Variants in TBCD observed in about 807,000 individuals in gnomAD.
TBCD encodes tubulin folding cofactor D, also known as tubulin-specific chaperone D.
A neutral mutation model predicts 169.3 loss-of-function variants in TBCD; 105 were observed. That is an observed-to-expected ratio of 0.62 (90% CI 0.53 to 0.73). TBCD has a LOEUF of 0.73. Among genes scored for constraint, TBCD ranks in the 30% least tolerant of loss-of-function variants. The probability of loss-of-function intolerance (pLI) is 0.00; values close to 1 mark genes in which losing one functional copy is unlikely to be tolerated. For missense variants in TBCD, 1,444 were observed against 1,600.1 expected (o/e 0.90, Z 1.66); for synonymous variants, 700 against 643.9 (o/e 1.09, Z -1.32).
Position 82,923,753 on chromosome 17 carries a change from C to T in TBCD, c.2260+20C>T. 6.3e-7 allele frequency: 1 copy of T among 1,579,174 alleles called. No homozygotes were observed. Among genetic ancestry groups the T allele is most frequent in the Non-Finnish European group, 8.6e-7 (1 of 1,161,832 alleles). On this transcript the variant is annotated intron_variant, in intron 26 of 38. Transcript: ENST00000355528. The surrounding 1 kb of genome is among the most constrained non-coding windows in gnomAD (Gnocchi z 4.6). ...TTCAGGGTGAGTGGGGAGCCCTTTT[C>T]TTGAAGACTCCAGGGGCTTCCAGCA...
intron 28 of TBCD, 148 bp downstream of exon 28, chr17:82,926,639 G>T: frequency 1.5e-6 from 1 of 672,216 alleles, no homozygotes. Flanking sequence ...AGTCCCAGCT[G>T]CTGGAGGCTC....
intron 20 of TBCD, 46 bp downstream of exon 20, chr17:82,906,099 C>A: frequency 1.4e-6 from 2 of 1,421,310 alleles, no homozygotes; most frequent in Non-Finnish European, 1.9e-6. Context: ...TGTCCCTGAT[C>A]CCCTCACCAT....
intron 7 of TBCD, among the ~76,000 whole-genome samples, chr17:82,787,762 C>G (rs771355740): frequency 1.3e-5 from 2 of 152,182 alleles, no homozygotes; most frequent in Admixed American, 6.5e-5. Context: ...TCCCTCGAAG[C>G]GTAGTTCCCT....
chr17:82,767,461 G>C (rs1481872685), intron 4 of TBCD, among the ~76,000 whole-genome samples: 1 of 151,422 alleles, frequency 6.6e-6, no homozygotes, highest in East Asian at 1.9e-4. Context: ...TTTTTAAAAA[G>C]ACAGAGTTTC....
At chr17:82,803,865 G>A (rs1008391442) in intron 9 of TBCD, among the ~76,000 whole-genome samples, 17 of 148,238 alleles carry the variant, frequency 1.1e-4, no homozygotes, top group South Asian at 6.6e-4. Flanking sequence ...TCTGTGGGGC[G>A]TTAGGGGAGA....
rs189331211 is a variant in TBCD, at chr17:82,861,442, T to C, written c.1319-8782T>C. 9.9e-5 allele frequency among the ~76,000 whole-genome samples: 15 copies of C among 152,246 alleles called. No individual in the cohort carries two copies. The East Asian group carries it at 2.7e-3, about 27-fold the overall frequency. ...TTTTCTTTCTTGGGGGATGGATCAG[T>C]GGATGGAGAAATAAAGCTGTGAGGG... On this transcript the variant is annotated intron_variant, in intron 13 of 38. Transcript: ENST00000355528.
At chr17:82,941,101 C>T (rs945506333) in intron 37 of TBCD, among the ~76,000 whole-genome samples, 11 of 152,280 alleles carry the variant, frequency 7.2e-5, no homozygotes, top group Non-Finnish European at 1.5e-4. Flanking sequence ...GTCAGCCCCT[C>T]CTTGGCCTCG....
intron 17 of TBCD, among the ~76,000 whole-genome samples, chr17:82,894,457 A>G (rs1405933540): frequency 1.3e-5 from 2 of 152,202 alleles, no homozygotes; most frequent in Non-Finnish European, 2.9e-5. Context: ...TAACCATTAA[A>G]TACCCTAAAG....
At chr17:82,764,671 G>A (rs994807320) in intron 3 of TBCD, among the ~76,000 whole-genome samples, 1 of 152,232 alleles carries the variant, frequency 6.6e-6, no homozygotes, top group Non-Finnish European at 1.5e-5. Flanking sequence ...ACACTTTAAT[G>A]TGCAGATGAA....
chr17:82,907,398 A>G (rs2060325410), intron 20 of TBCD, among the ~76,000 whole-genome samples: 1 of 152,066 alleles, frequency 6.6e-6, no homozygotes, highest in Non-Finnish European at 1.5e-5. Context: ...AAAATCACAA[A>G]TGGGCCAGGC....
At chr17:82,863,971 G>T (rs2056977903) in intron 13 of TBCD, among the ~76,000 whole-genome samples, 1 of 152,216 alleles carries the variant, frequency 6.6e-6, no homozygotes, top group African/African-American at 2.4e-5. Flanking sequence ...TGACAGCTGA[G>T]TAGATTACCA....
At position 82,780,214 on chromosome 17, in the gene TBCD, C is replaced by T. The variant is rs1022801339; in HGVS notation, c.639-1375C>T. 3.9e-5 allele frequency among the ~76,000 whole-genome samples: 6 copies of T among 152,344 alleles called. No homozygotes were observed. In the Middle Eastern group the frequency reaches 0.014, roughly 345 times the overall value. On this transcript the variant is annotated intron_variant, in intron 6 of 38. Transcript: ENST00000355528. Reference sequence around the variant, plus strand: ...TGCTTCCCTGGGCAGCAGCACTTTCCTCCCAGGTTTTGCAGCCCCCCTCGT... The same window carrying T: ...TGCTTCCCTGGGCAGCAGCACTTTCTTCCCAGGTTTTGCAGCCCCCCTCGT...
chr17:82,921,425 G>A, intron 24 of TBCD, 76 bp from the exon 25 acceptor site: 1 of 1,168,526 alleles, frequency 8.6e-7, no homozygotes, highest in South Asian at 1.2e-5. Flanking sequence ...AGTATTAATA[G>A]AAGCTGTTTT....
Position 82,943,525 on chromosome 17 carries a change from C to T in TBCD, c.*1062C>T, listed in dbSNP as rs767608813. 2.6e-5 allele frequency: 4 copies of T among 152,044 alleles called. No individual in the cohort carries two copies. Among genetic ancestry groups the T allele is most frequent in the Non-Finnish European group, 5.9e-5 (4 of 68,046 alleles). The allele number at this position is 152,044 out of a possible 1,614,324, so 9.4% of individuals were successfully genotyped here. ...GTGTAGATTAGGGTGGCTCCCTGGC[C>T]TGCTCTCAGGTGGGGATGGGGCCTG... is the stretch of plus-strand genomic sequence containing the variant. On this transcript the variant is annotated 3_prime_UTR_variant, in exon 39 of 39. Transcript: ENST00000355528.
rs922547524 is a variant in TBCD at position 82,806,557 on chromosome 17, G to A, written c.1087+546G>A. On this transcript the variant is annotated intron_variant, in intron 10 of 38. Transcript: ENST00000355528. This position sits in a 1 kb window ranked among gnomAD's most constrained non-coding sequence, Gnocchi z 5.1. Reference sequence around the variant, plus strand: ...ACACACTGTCCTGCCCTCCTGCCGCGGTTGGATGAAGTCTTCCCTGGACCC... The same window carrying A: ...ACACACTGTCCTGCCCTCCTGCCGCAGTTGGATGAAGTCTTCCCTGGACCC... 2.0e-5 allele frequency among the ~76,000 whole-genome samples: 3 copies of A among 152,136 alleles called. No individual in the cohort carries two copies. Among genetic ancestry groups the A allele is most frequent in the East Asian group, 1.9e-4 (1 of 5,160 alleles).
chr17:82,811,514 A>G (rs1259771602), intron 12 of TBCD, among the ~76,000 whole-genome samples: 2 of 151,912 alleles, frequency 1.3e-5, no homozygotes, highest in African/African-American at 2.4e-5. Flanking sequence ...TTTACTCTTG[A>G]TTTCGCAGGG....
At chr17:82,873,530 C>T (rs1176735680) in intron 14 of TBCD, among the ~76,000 whole-genome samples, 1 of 152,206 alleles carries the variant, frequency 6.6e-6, no homozygotes, top group Non-Finnish European at 1.5e-5. Context: ...CAAATCAAGT[C>T]CCCGCTACTG....
At chr17:82,872,104 C>T (rs7406011) in intron 14 of TBCD, among the ~76,000 whole-genome samples, 41,393 of 152,122 alleles carry the variant, frequency 0.27, 6,217 homozygotes, top group Admixed American at 0.34. Flanking sequence ...ACGTGGCCAG[C>T]GTCTCATAGT....
At chr17:82,917,194 AT>A (rs1480913952) in intron 23 of TBCD, among the ~76,000 whole-genome samples, 1 of 151,196 alleles carries the variant, frequency 6.6e-6, no homozygotes, top group African/African-American at 2.4e-5. Flanking sequence ...TAATTTTTGT[AT>A]TTTTTGTAGA....
Sources: allele counts gnomAD v4.1 joint callset (sites outside exome capture counted in the v4.1 genomes callset), GRCh38; gene constraint gnomAD v4.1.1; non-coding constraint Gnocchi (gnomAD v3.1); transcripts MANE v1.5; gene names NCBI Gene and HGNC (gene_info 2026-07-23, HGNC 2026-07-21).